The following RASEF variants were observed in gnomAD, a reference collection of about 807,000 sequenced individuals.
The protein encoded by RASEF is RAS and EF-hand domain containing.
RASEF carries 68 observed loss-of-function variants against 90.1 expected under a neutral mutation model. The observed-to-expected ratio is 0.75, with a 90% CI of 0.62 to 0.92. The LOEUF is 0.92. RASEF is among the 40% of genes least tolerant of loss of function. The probability of loss-of-function intolerance (pLI) is 0.00; values close to 1 mark genes in which losing one functional copy is unlikely to be tolerated. For synonymous variants in RASEF, 331 were observed against 345.2 expected (o/e 0.96, Z 0.46); for missense variants, 949 against 937.2 (o/e 1.01, Z -0.16).
At chr9:82,995,883 C>A (rs938001222) in intron 14 of RASEF, among the ~76,000 whole-genome samples, 1 of 152,176 alleles carries the variant, frequency 6.6e-6, no homozygotes, top group Non-Finnish European at 1.5e-5. Context: ...GCTACCTATG[C>A]TTTCTATGCC....
At chr9:83,205,729 C>G in the RASEF span, among the ~76,000 whole-genome samples, 6 of 152,192 alleles carry the variant, frequency 3.9e-5, no homozygotes, top group Non-Finnish European at 8.8e-5. Flanking sequence ...TTTTACCACA[C>G]TGTATACACT....
In RASEF at chr9:82,993,001, T is replaced by C. The variant is rs775965602; in HGVS notation, c.1945A>G (p.Ile649Val). The change falls in exon 15 of 17, where the codon ATT (isoleucine) becomes GTT (valine). Residue 649 changes from isoleucine to valine, a missense_variant. Transcript: ENST00000376447. ...IEDAAHETVP[I>V]MLVGNKADIR... ...TCAGCCTTGTTTCCTACCAGCATAA[T>C]GGGAACAGTCTCATGGGCTGCATCC... The C allele has an allele frequency of 8.1e-6, 13 of 1,613,394 alleles. No homozygotes were observed. In the East Asian group the frequency reaches 2.9e-4, roughly 36 times the overall value.
the RASEF span, among the ~76,000 whole-genome samples, chr9:83,133,233 G>T: frequency 1.3e-4 from 20 of 152,108 alleles, no homozygotes; most frequent in African/African-American, 4.8e-4. Flanking sequence ...CTTTAAAATA[G>T]AGTACTTCTC....
chr9:83,057,791 A>G lies in RASEF; in HGVS notation c.431+4646T>C, dbSNP rs76236725. On this transcript the variant is annotated intron_variant, in intron 1 of 16. Coordinates refer to ENST00000376447, the MANE Select transcript of RASEF (RefSeq NM_152573.4). ...TTACTGGCCATGAGCATGAAAAAAT[A>G]CATACATATATATATCCATATATAC... 7.1e-3 allele frequency among the ~76,000 whole-genome samples: 1,063 copies of G among 150,758 alleles called. 11 individuals are homozygous for G. The highest frequency in any genetic ancestry group is 0.024 in the African/African-American group (1,004 of 41,230).
At chr9:83,069,016 G>A in the RASEF span, among the ~76,000 whole-genome samples, 1 of 152,248 alleles carries the variant, frequency 6.6e-6, no homozygotes, top group East Asian at 1.9e-4. Flanking sequence ...AACAGAAACT[G>A]TTAAAACCTT....
At chr9:83,162,560 G>A in the RASEF span, among the ~76,000 whole-genome samples, 40 of 152,162 alleles carry the variant, frequency 2.6e-4, no homozygotes, top group Non-Finnish European at 1.5e-5. Context: ...CTGGCTTCCA[G>A]TCCAGTATGT....
chr9:83,085,600 C>T, the RASEF span, among the ~76,000 whole-genome samples: 4 of 151,750 alleles, frequency 2.6e-5, no homozygotes, highest in East Asian at 7.8e-4. Flanking sequence ...TGTGACTGCC[C>T]TCCAGCTTAA....
At chr9:83,108,326 C>G in the RASEF span, among the ~76,000 whole-genome samples, 1 of 152,138 alleles carries the variant, frequency 6.6e-6, no homozygotes, top group East Asian at 1.9e-4. Context: ...CTTACTTGAG[C>G]ACTTAAGCCA....
the RASEF span, among the ~76,000 whole-genome samples, chr9:83,217,055 G>T: frequency 6.6e-6 from 1 of 152,102 alleles, no homozygotes. Flanking sequence ...CTGGATGTGA[G>T]GCATAAAGTC....
chr9:83,030,064 A>C (rs965617905), intron 1 of RASEF, among the ~76,000 whole-genome samples: 46 of 152,228 alleles, frequency 3.0e-4, no homozygotes, highest in Non-Finnish European at 5.0e-4. Flanking sequence ...TCAGGGTGTC[A>C]TTAAGATACT....
At chr9:83,122,965 C>T in the RASEF span, among the ~76,000 whole-genome samples, 10 of 152,120 alleles carry the variant, frequency 6.6e-5, no homozygotes, top group South Asian at 4.1e-4. Context: ...AGGGGCTGGG[C>T]GCAGTGGCTC....
chr9:83,108,900 C>A, the RASEF span, among the ~76,000 whole-genome samples: 1 of 152,174 alleles, frequency 6.6e-6, no homozygotes, highest in Non-Finnish European at 1.5e-5. Context: ...CTACACACAA[C>A]CCAACTCTGA....
At chr9:83,144,386 AG>A in the RASEF span, among the ~76,000 whole-genome samples, 13 of 52,144 alleles carry the variant, frequency 2.5e-4, no homozygotes, top group African/African-American at 1.0e-3. Flanking sequence ...AAAGAAAGAA[AG>A]AAAGGAAAGA....
Position 83,001,553 on chromosome 9 carries a change from G to T in RASEF, c.1203-423C>A, listed in dbSNP as rs567275231. Among the ~76,000 whole-genome samples, 64 of 152,222 alleles carry T rather than the reference G, an allele frequency of 4.2e-4. 1 individual carries two copies. The highest frequency in any genetic ancestry group is 1.5e-3 in the African/African-American group (64 of 41,540). ...GATAACATCTCTACTTAAAAGGGCT[G>T]CTGAGAGCCCAAACAGAAAAGGCAA... On this transcript the variant is annotated intron_variant, in intron 9 of 16. Coordinates refer to ENST00000376447, the MANE Select transcript of RASEF (RefSeq NM_152573.4).
chr9:83,060,291 T>G (rs1181113121), intron 1 of RASEF, among the ~76,000 whole-genome samples: 1 of 152,224 alleles, frequency 6.6e-6, no homozygotes, highest in East Asian at 1.9e-4. Context: ...GATGAACAAC[T>G]TAATCACTTT....
At chr9:83,158,107 A>G in the RASEF span, among the ~76,000 whole-genome samples, 3 of 152,214 alleles carry the variant, frequency 2.0e-5, no homozygotes, top group African/African-American at 7.2e-5. Context: ...TACATGTAAG[A>G]AAACCAACAT....
At chr9:82,995,446 G>C (rs568939772) in intron 14 of RASEF, among the ~76,000 whole-genome samples, 33 of 152,058 alleles carry the variant, frequency 2.2e-4, no homozygotes, top group Admixed American at 4.6e-4. Context: ...TTATACCTTG[G>C]GATTCCTTTT....
the RASEF span, among the ~76,000 whole-genome samples, chr9:83,176,654 G>A: frequency 6.6e-6 from 1 of 151,362 alleles, no homozygotes; most frequent in African/African-American, 2.4e-5. Context: ...GTTATTTTTG[G>A]TGGTTATTTT....
At chr9:83,109,097 A>G in the RASEF span, among the ~76,000 whole-genome samples, 1 of 151,980 alleles carries the variant, frequency 6.6e-6, no homozygotes, top group South Asian at 2.1e-4. Context: ...CCTCAGTCTC[A>G]ATATAGAAGA....
Sources: allele counts gnomAD v4.1 joint callset (sites outside exome capture counted in the v4.1 genomes callset), GRCh38; gene constraint gnomAD v4.1.1; transcripts MANE v1.5; gene names NCBI Gene and HGNC (gene_info 2026-07-23, HGNC 2026-07-21).